The following ADAMTSL1 variants were observed in gnomAD, a reference collection of about 807,000 sequenced individuals.
The protein encoded by ADAMTSL1 is ADAMTS like 1.
ADAMTSL1 carries 126 observed loss-of-function variants against 201.8 expected under a neutral mutation model. That is an observed-to-expected ratio of 0.62 (90% CI 0.54 to 0.72). The LOEUF (loss-of-function observed/expected upper bound fraction) is 0.72, where lower values mean the gene tolerates loss of function less well. Among genes scored for constraint, ADAMTSL1 ranks in the 30% least tolerant of loss-of-function variants. The pLI, the probability that ADAMTSL1 is intolerant of heterozygous loss-of-function variation, is 0.00. For synonymous variants in ADAMTSL1, 1,121 were observed against 903.4 expected (o/e 1.24, Z -4.32); for missense variants, 2,679 against 2,277.8 (o/e 1.18, Z -3.59).
chr9:18,295,525 A>G (rs144486603), intron 2 of ADAMTSL1, among the ~76,000 whole-genome samples: 100 of 152,190 alleles, frequency 6.6e-4, no homozygotes, highest in African/African-American at 2.2e-3. Context: ...TTTTTAGTAG[A>G]GATGGAGTTT....
chr9:18,120,439 G>C (rs1338133371), intron 1 of ADAMTSL1, among the ~76,000 whole-genome samples: 4 of 152,206 alleles, frequency 2.6e-5, no homozygotes, highest in Non-Finnish European at 4.4e-5. Context: ...GTCAGGACTA[G>C]AGGTAGGAAT....
At chr9:18,013,829 T>A (rs1244306631) in intron 1 of ADAMTSL1, among the ~76,000 whole-genome samples, 1 of 152,002 alleles carries the variant, frequency 6.6e-6, no homozygotes, top group African/African-American at 2.4e-5. Flanking sequence ...CTTCTCATCT[T>A]GCCAGTTGAA....
chr9:18,867,945 C>T (rs747192510), intron 23 of ADAMTSL1, among the ~76,000 whole-genome samples: 28 of 152,134 alleles, frequency 1.8e-4, no homozygotes, highest in South Asian at 4.1e-4. Context: ...ACATCTTAAC[C>T]GCACAATTTT....
chr9:18,631,312 A>G (rs1017212300), intron 5 of ADAMTSL1, among the ~76,000 whole-genome samples: 1 of 152,170 alleles, frequency 6.6e-6, no homozygotes, highest in Admixed American at 6.5e-5. Context: ...CTATTGTGCA[A>G]TTACAGATAA....
chr9:18,210,956 T>C (rs1408035055), intron 2 of ADAMTSL1, among the ~76,000 whole-genome samples: 1 of 150,712 alleles, frequency 6.6e-6, no homozygotes, highest in Admixed American at 6.6e-5. Flanking sequence ...TTACACATTG[T>C]GATAAGTTCT....
intron 2 of ADAMTSL1, among the ~76,000 whole-genome samples, chr9:18,267,108 G>T (rs548387554): frequency 6.6e-6 from 1 of 152,232 alleles, no homozygotes; most frequent in Non-Finnish European, 1.5e-5. Context: ...CATTTAGCAG[G>T]CCTATTGTAC....
At chr9:18,378,504 A>T (rs142363461) in intron 2 of ADAMTSL1, among the ~76,000 whole-genome samples, 1 of 152,326 alleles carries the variant, frequency 6.6e-6, no homozygotes, top group East Asian at 1.9e-4. Flanking sequence ...TTAACTTGAG[A>T]AGCACATCCA....
chr9:18,273,908 C>T (rs938182846), intron 2 of ADAMTSL1, among the ~76,000 whole-genome samples: 8 of 152,282 alleles, frequency 5.3e-5, no homozygotes, highest in African/African-American at 1.7e-4. Context: ...CAGAAAGATC[C>T]TTAGAGATTT....
intron 19 of ADAMTSL1, among the ~76,000 whole-genome samples, chr9:18,781,614 G>T (rs1821400515): frequency 6.6e-6 from 1 of 152,148 alleles, no homozygotes; most frequent in Non-Finnish European, 1.5e-5. Context: ...TTCATTGCTT[G>T]TCATCATTAC....
At chr9:18,160,847 ATTTT>A (rs35532729) in intron 1 of ADAMTSL1, among the ~76,000 whole-genome samples, 2 of 119,284 alleles carry the variant, frequency 1.7e-5, no homozygotes, top group Non-Finnish European at 1.7e-5. Flanking sequence ...ACCTGGCTAA[ATTTT>A]TTTTTTTTTT....
At chr9:18,070,285 C>T (rs1355138425) in intron 1 of ADAMTSL1, among the ~76,000 whole-genome samples, 1 of 152,136 alleles carries the variant, frequency 6.6e-6, no homozygotes, top group Non-Finnish European at 1.5e-5. Flanking sequence ...CACAGAGGAG[C>T]CAGTGCTGGG....
chr9:18,355,068 C>G (rs1415831867), intron 2 of ADAMTSL1, among the ~76,000 whole-genome samples: 1 of 152,126 alleles, frequency 6.6e-6, no homozygotes, highest in African/African-American at 2.4e-5. Context: ...TTCCAGGGAG[C>G]CCCAGCAAGA....
intron 2 of ADAMTSL1, among the ~76,000 whole-genome samples, chr9:18,440,514 T>A (rs1473037143): frequency 1.3e-5 from 2 of 151,854 alleles, no homozygotes; most frequent in Non-Finnish European, 2.9e-5. Context: ...CTAACAGTCC[T>A]ACTTTATGAA....
chr9:17,999,798 C>G (rs1355301694), intron 1 of ADAMTSL1, among the ~76,000 whole-genome samples: 1 of 149,024 alleles, frequency 6.7e-6, no homozygotes, highest in South Asian at 2.2e-4. Context: ...TATTCCCCTT[C>G]CTGTGTCCAT....
At chr9:17,987,391 A>C (rs1466352071) in intron 1 of ADAMTSL1, among the ~76,000 whole-genome samples, 1 of 152,130 alleles carries the variant, frequency 6.6e-6, no homozygotes, top group African/African-American at 2.4e-5. Flanking sequence ...ACAGAGAATT[A>C]AATGTCACAG....
At chr9:18,058,034 T>C (rs1822275699) in intron 1 of ADAMTSL1, among the ~76,000 whole-genome samples, 1 of 152,236 alleles carries the variant, frequency 6.6e-6, no homozygotes, top group South Asian at 2.1e-4. Flanking sequence ...TTGTTCATCA[T>C]TGTATCTTCA....
intron 1 of ADAMTSL1, among the ~76,000 whole-genome samples, chr9:18,492,134 G>A (rs1170939412): frequency 2.0e-5 from 3 of 152,062 alleles, no homozygotes. Flanking sequence ...ACACAGTAGG[G>A]AAGCACAATA....
At chr9:18,678,861 C>A (rs1353334824) in intron 10 of ADAMTSL1, among the ~76,000 whole-genome samples, 1 of 152,116 alleles carries the variant, frequency 6.6e-6, no homozygotes, top group Non-Finnish European at 1.5e-5. Flanking sequence ...ATTGGTCTTA[C>A]CCATTGGGAA....
chr9:18,700,126 A>G (rs890591939), intron 13 of ADAMTSL1, among the ~76,000 whole-genome samples: 10 of 152,222 alleles, frequency 6.6e-5, no homozygotes, highest in African/African-American at 2.4e-4. Context: ...GTAAATTTAG[A>G]GGGATATTTT....
Sources: allele counts gnomAD v4.1 joint callset (sites outside exome capture counted in the v4.1 genomes callset), GRCh38; gene constraint gnomAD v4.1.1; transcripts MANE v1.5; gene names NCBI Gene and HGNC (gene_info 2026-07-23, HGNC 2026-07-21).